Variants in NOL4 observed in about 807,000 individuals in gnomAD.
NOL4 encodes the protein nucleolar protein 4.
In NOL4, 17 loss-of-function variants were observed where a neutral mutation model predicts 75.9. The observed-to-expected ratio is 0.22, with a 90% CI of 0.15 to 0.34. The LOEUF (loss-of-function observed/expected upper bound fraction) is 0.34, where lower values mean the gene tolerates loss of function less well. NOL4 is among the 10% of genes least tolerant of loss of function. NOL4 has a pLI of 1.00. For missense variants in NOL4, 614 were observed against 793.5 expected (o/e 0.77, Z 2.72); for synonymous variants, 292 against 289.9 (o/e 1.01, Z -0.07).
chr18:33,864,565 A>G lies in NOL4; in HGVS notation c.1724-11530T>C, dbSNP rs138224542. 2.6e-5 allele frequency among the ~76,000 whole-genome samples: 4 copies of G among 152,266 alleles called. No homozygotes were observed. In the East Asian group the frequency reaches 7.7e-4, roughly 29 times the overall value. The stretch of plus-strand genomic sequence containing the variant: ...AAAACCATTCAACAAGTCTCTAGGA[A>G]GTTCCAAACTGTCCCACATCTTCCT... On this transcript the variant is annotated intron_variant, in intron 10 of 10. Coordinates refer to ENST00000261592, the MANE Select transcript of NOL4 (RefSeq NM_003787.5).
intron 1 of NOL4, among the ~76,000 whole-genome samples, chr18:34,153,022 G>A (rs1289228829): frequency 6.6e-6 from 1 of 151,658 alleles, no homozygotes; most frequent in African/African-American, 2.4e-5. Flanking sequence ...GAGAAGCATG[G>A]GACAGTTAAA....
At chr18:34,100,375 G>A (rs944419281) in intron 4 of NOL4, among the ~76,000 whole-genome samples, 1 of 151,758 alleles carries the variant, frequency 6.6e-6, no homozygotes, top group Non-Finnish European at 1.5e-5. Flanking sequence ...TCTTTCCCCT[G>A]CTCCCCTTCA....
At chr18:34,141,496 A>C (rs1251187932) in intron 1 of NOL4, among the ~76,000 whole-genome samples, 1 of 152,200 alleles carries the variant, frequency 6.6e-6, no homozygotes. Context: ...ATATAGACCA[A>C]TGGAACAGAA....
intron 6 of NOL4, among the ~76,000 whole-genome samples, chr18:34,011,764 C>T (rs555222702): frequency 1.8e-4 from 27 of 151,726 alleles, no homozygotes; most frequent in South Asian, 1.2e-3. Context: ...AGGATAATGA[C>T]GGGTCAATTT....
intron 1 of NOL4, among the ~76,000 whole-genome samples, chr18:34,167,559 G>GATAGATAGATAGATAT (rs1182819215): frequency 6.6e-6 from 1 of 152,026 alleles, no homozygotes; most frequent in African/African-American, 2.4e-5. Context: ...TAGATAGATA[G>GATAGATAGATAGATAT]ATAGACAGAC....
At chr18:33,939,573 T>C (rs2068321307) in intron 9 of NOL4, among the ~76,000 whole-genome samples, 1 of 152,110 alleles carries the variant, frequency 6.6e-6, no homozygotes, top group Non-Finnish European at 1.5e-5. Flanking sequence ...TGGATATGTT[T>C]GTCTGTTATT....
intron 1 of NOL4, among the ~76,000 whole-genome samples, chr18:34,169,026 G>A (rs975025365): frequency 1.3e-5 from 2 of 151,750 alleles, no homozygotes; most frequent in Non-Finnish European, 2.9e-5. Flanking sequence ...ACTACTACCA[G>A]ATCTGTTTAT....
chr18:34,074,394 T>A (rs1222189215), intron 5 of NOL4, among the ~76,000 whole-genome samples: 1 of 151,860 alleles, frequency 6.6e-6, no homozygotes, highest in Admixed American at 6.6e-5. Flanking sequence ...CATATTGTTG[T>A]GGTATTATAT....
In NOL4 at chr18:33,899,437, G is replaced by A. The variant is rs571249421; in HGVS notation, c.1543-16013C>T. On this transcript the variant is annotated intron_variant, in intron 9 of 10. Coordinates refer to ENST00000261592, the MANE Select transcript of NOL4 (RefSeq NM_003787.5). ...TGTCTCTCAATGCATTGGCTGTCAT[G>A]CAGCAAGCAGAAATAGTTTGGACTC... 1.4e-4 allele frequency among the ~76,000 whole-genome samples: 22 copies of A among 152,226 alleles called. No homozygotes were observed. In the East Asian group the frequency reaches 3.3e-3, roughly 23 times the overall value.
At chr18:33,918,981 A>G (rs1469647642) in intron 9 of NOL4, among the ~76,000 whole-genome samples, 2 of 152,164 alleles carry the variant, frequency 1.3e-5, no homozygotes, top group South Asian at 2.1e-4. Context: ...TAATCTATAT[A>G]TAGAGATTAC....
intron 4 of NOL4, among the ~76,000 whole-genome samples, chr18:34,098,912 G>T (rs890144084): frequency 6.6e-6 from 1 of 152,118 alleles, no homozygotes; most frequent in Non-Finnish European, 1.5e-5. Flanking sequence ...GTTCTAAGTA[G>T]TAAATTATTT....
chr18:34,169,078 A>G (rs896580900), intron 1 of NOL4, among the ~76,000 whole-genome samples: 3 of 152,000 alleles, frequency 2.0e-5, no homozygotes, highest in African/African-American at 7.2e-5. Flanking sequence ...TCTTTCAAGC[A>G]GAATAAAATG....
intron 9 of NOL4, among the ~76,000 whole-genome samples, chr18:33,908,442 A>G (rs1020835359): frequency 6.6e-6 from 1 of 152,150 alleles, no homozygotes; most frequent in African/African-American, 2.4e-5. Context: ...ATATCACTAC[A>G]TAATGGATTT....
At chr18:34,208,901 G>A (rs2036311588) in intron 1 of NOL4, among the ~76,000 whole-genome samples, 1 of 151,630 alleles carries the variant, frequency 6.6e-6, no homozygotes, top group Admixed American at 6.6e-5. Flanking sequence ...ATAATTCATT[G>A]GGAAAGGGGA....
chr18:34,072,255 G>A (rs1219593479), intron 5 of NOL4, among the ~76,000 whole-genome samples: 2 of 151,828 alleles, frequency 1.3e-5, no homozygotes, highest in Non-Finnish European at 2.9e-5. Context: ...AAGATAAAAT[G>A]ACAGACAAAG....
At chr18:33,931,306 C>T (rs930955669) in intron 9 of NOL4, among the ~76,000 whole-genome samples, 8 of 152,246 alleles carry the variant, frequency 5.3e-5, no homozygotes, top group South Asian at 2.1e-4. Context: ...CTCTTGGGAA[C>T]ATTGGGGAAC....
chr18:33,887,171 G>C (rs1394321957), intron 9 of NOL4, among the ~76,000 whole-genome samples: 12 of 140,616 alleles, frequency 8.5e-5, no homozygotes, highest in Admixed American at 5.9e-4. Context: ...TATATATATA[G>C]ATGTATCTAT....
At chr18:33,893,492 T>C (rs1259818990) in intron 9 of NOL4, among the ~76,000 whole-genome samples, 1 of 152,194 alleles carries the variant, frequency 6.6e-6, no homozygotes, top group East Asian at 1.9e-4. Flanking sequence ...ATGTTATTTA[T>C]AAAATGAAGT....
chr18:34,115,360 A>G (rs922684517), intron 2 of NOL4, among the ~76,000 whole-genome samples: 4 of 152,122 alleles, frequency 2.6e-5, no homozygotes, highest in Non-Finnish European at 4.4e-5. Context: ...GTGGAGTAGC[A>G]TAATAATAGC....
Sources: gnomAD v4.1 joint callset for allele counts (sites outside exome capture counted in the v4.1 genomes callset) on GRCh38, gnomAD v4.1.1 for gene constraint, MANE v1.5 for transcripts, NCBI Gene and HGNC (gene_info 2026-07-23, HGNC 2026-07-21) for gene names.